The following CD4 variants were observed in gnomAD, a reference collection of about 807,000 sequenced individuals.
The protein encoded by CD4 is T-cell surface glycoprotein CD4.
A neutral mutation model predicts 50.5 loss-of-function variants in CD4; 25 were observed. The ratio of observed to expected loss-of-function variants is 0.49; its 90% CI spans 0.36 to 0.69. CD4 has a LOEUF of 0.69. CD4 is among the 30% of genes least tolerant of loss of function. The probability of loss-of-function intolerance (pLI) is 0.00; values close to 1 mark genes in which losing one functional copy is unlikely to be tolerated. For missense variants in CD4, 456 were observed against 548.5 expected (o/e 0.83, Z 1.68); for synonymous variants, 207 against 221.9 (o/e 0.93, Z 0.60).
intron 1 of CD4, among the ~76,000 whole-genome samples, chr12:6,793,293 A>G (rs1942225825): frequency 6.6e-6 from 1 of 152,110 alleles, no homozygotes; most frequent in Non-Finnish European, 1.5e-5. Context: ...CAGCCACCAT[A>G]TGGGGAAGGG....
At chr12:6,813,611 T>C (rs1398237927) in intron 3 of CD4, 1 of 152,554 alleles carries the variant, frequency 6.6e-6, no homozygotes, top group Non-Finnish European at 1.5e-5. Context: ...GGGTGAGCTA[T>C]GATCTATTTA....
chr12:6,800,760 C>G (rs1942519301), intron 3 of CD4, among the ~76,000 whole-genome samples: 2 of 151,970 alleles, frequency 1.3e-5, no homozygotes, highest in East Asian at 3.9e-4. Flanking sequence ...ATTGTTGCTA[C>G]AGACCTATGT....
At position 6,800,088 on chromosome 12, in the gene CD4, G is replaced by A; in HGVS notation, c.-51G>A. 6.4e-7 allele frequency: 1 copy of A among 1,553,002 alleles called. No homozygotes were observed. Among genetic ancestry groups the A allele is most frequent in the South Asian group, 1.1e-5 (1 of 89,850 alleles). On this transcript the variant is annotated 5_prime_UTR_variant, in exon 2 of 10. Transcript: ENST00000011653. ...TTCCCTCAGGCCCTGCCATTTCTGT[G>A]GGCTCAGGTCCCTACTGGCTCAGGC... is the stretch of plus-strand genomic sequence containing the variant.
rs782309080 is a variant in CD4, at chr12:6,818,735, T to C, written c.1279-112T>C. The C allele has an allele frequency of 4.5e-5, 54 of 1,198,706 alleles. No individual in the cohort carries two copies. In the African/African-American group the frequency reaches 5.2e-4, roughly 12 times the overall value. The allele number at this position is 1,198,706 out of a possible 1,614,324, so 74.3% of individuals were successfully genotyped here. A position where few individuals can be genotyped will look rare whatever the true frequency, so the allele number is the denominator to read the frequency against. On this transcript the variant is annotated intron_variant, in intron 8 of 9. Transcript: ENST00000011653. The surrounding 1 kb of genome is among the most constrained non-coding windows in gnomAD (Gnocchi z 5.0). ...AGAGTTAATTCCAGGATAGATGGCC[T>C]GGGCCATGTAACTGCTTCTCCTGTC...
Position 6,818,959 on chromosome 12 carries a change from G to A in CD4, c.1346+45G>A, listed in dbSNP as rs782632037. On this transcript the variant is annotated intron_variant, in intron 9 of 9. Coordinates refer to ENST00000011653, the MANE Select transcript of CD4 (RefSeq NM_000616.5). The surrounding 1 kb of genome is among the most constrained non-coding windows in gnomAD (Gnocchi z 5.0). ...GGTTGAGAGAGGGGAAAGGGGGAGGGGGAGGGAGTTAGAGAGGAGGGGGAG... is the reference window on the plus strand; with the variant it reads ...GGTTGAGAGAGGGGAAAGGGGGAGGAGGAGGGAGTTAGAGAGGAGGGGGAG... 1.8e-5 allele frequency: 15 copies of A among 816,648 alleles called. No homozygotes were observed. Among genetic ancestry groups the A allele is most frequent in the East Asian group, 5.8e-5 (2 of 34,376 alleles). The allele number at this position is 816,648 out of a possible 1,614,324, so 50.6% of individuals were successfully genotyped here.
rs1331372005 is a variant in CD4 at position 6,818,023 on chromosome 12, T to C, written c.1157-398T>C. On this transcript the variant is annotated intron_variant, in intron 7 of 9. Coordinates refer to ENST00000011653, the MANE Select transcript of CD4 (RefSeq NM_000616.5). This position sits in a 1 kb window ranked among gnomAD's most constrained non-coding sequence, Gnocchi z 5.0. ...GCATGCAGTCACGCACACACATTCA[T>C]ACACGCACACAGGCACACATTCACA... 6.9e-6 allele frequency among the ~76,000 whole-genome samples: 1 copy of C among 144,854 alleles called. No individual in the cohort carries two copies. Among genetic ancestry groups the C allele is most frequent in the Non-Finnish European group, 1.5e-5 (1 of 65,838 alleles).
chr12:6,815,898 G>A, intron 5 of CD4, 158 bp from the exon 6 acceptor site: 1 of 1,522,556 alleles, frequency 6.6e-7, no homozygotes. Context: ...GAGAAGGCTG[G>A]AGAGGTAGGA....
intron 3 of CD4, among the ~76,000 whole-genome samples, chr12:6,810,987 G>A (rs1003552092): frequency 1.2e-4 from 18 of 152,140 alleles, no homozygotes; most frequent in African/African-American, 4.3e-4. Flanking sequence ...CTGTGAGGTT[G>A]TCTGGAAGGG....
Position 6,818,536 on chromosome 12 carries a change from C to T in CD4, c.1272C>T (p.His424=). Residue 424 remains histidine, a synonymous_variant, in exon 8 of 10, where the codon CAC becomes CAT. Transcript: ENST00000011653. The surrounding 1 kb of genome is among the most constrained non-coding windows in gnomAD (Gnocchi z 5.0). ...TCTTCTTCTGTGTCAGGTGCCGGCA[C>T]CGAAGGGTGAGTAACCCCACACCTG... ...LGIFFCVRCR[H]RRRQAERMSQ... is the part of the protein sequence containing the mutation. 5 of 1,612,746 alleles carry T rather than the reference C, an allele frequency of 3.1e-6. No homozygotes were observed. The highest frequency in any genetic ancestry group is 4.2e-6 in the Non-Finnish European group (5 of 1,180,004).
At chr12:6,809,636 T>G (rs1942878121) in intron 3 of CD4, among the ~76,000 whole-genome samples, 1 of 152,168 alleles carries the variant, frequency 6.6e-6, no homozygotes, top group South Asian at 2.1e-4. Context: ...CTCGCCTACT[T>G]GGATTTCCCT....
At chr12:6,807,520 T>C (rs781979642) in intron 3 of CD4, among the ~76,000 whole-genome samples, 1 of 152,038 alleles carries the variant, frequency 6.6e-6, no homozygotes, top group Admixed American at 6.5e-5. Context: ...TAACTAATTA[T>C]AGAAATGGAG....
chr12:6,790,680 C>T (rs1049832688), intron 1 of CD4, among the ~76,000 whole-genome samples: 2 of 152,318 alleles, frequency 1.3e-5, no homozygotes, highest in Admixed American at 1.3e-4. Flanking sequence ...CCTTTCCGCC[C>T]TCAGACCTTT....
At chr12:6,811,027 G>C (rs1942920758) in intron 3 of CD4, among the ~76,000 whole-genome samples, 1 of 152,218 alleles carries the variant, frequency 6.6e-6, no homozygotes, top group South Asian at 2.1e-4. Context: ...TGAGCAGTGG[G>C]GAAGAGGACT....
chr12:6,816,057 T>C lies in CD4; in HGVS notation c.609T>C (p.Ala203=), dbSNP rs782208389. ...GGGTCTCTCCCTTCCCACCTCCAGC[T>C]TTCCAGAAGGCCTCCAGCATAGTCT... The part of the protein sequence containing the change: ...VEFKIDIVVL[A]FQKASSIVYK... Residue 203 remains alanine, a splice_region_variant and synonymous_variant, in exon 6 of 10, where the codon GCT becomes GCC. Coordinates refer to ENST00000011653, the MANE Select transcript of CD4 (RefSeq NM_000616.5). The surrounding 1 kb of genome is among the most constrained non-coding windows in gnomAD (Gnocchi z 4.9). 3 of 1,614,102 alleles carry C rather than the reference T, an allele frequency of 1.9e-6. No individual in the cohort carries two copies. The highest frequency in any genetic ancestry group is 4.5e-5 in the East Asian group (2 of 44,886).
chr12:6,798,750 C>T (rs1451264823), intron 1 of CD4: 1 of 152,354 alleles, frequency 6.6e-6, no homozygotes, highest in Non-Finnish European at 1.5e-5. Context: ...ATTTCTACAG[C>T]CACTTGGCTC....
chr12:6,795,350 C>G (rs1942347561), intron 1 of CD4, among the ~76,000 whole-genome samples: 1 of 152,268 alleles, frequency 6.6e-6, no homozygotes. Context: ...ACGTATTAAG[C>G]CCTGGCTACC....
rs573150407 is a variant in CD4 at position 6,793,721 on chromosome 12, C to CA, written c.-68+4063dup. ...CTATCTATCTTTTTTTTTTTTGAGA[C>CA]AAAATCTCACTCTGTCGCCCAGGCT... On this transcript the variant is annotated intron_variant, in intron 1 of 9. Transcript: ENST00000011653. Among the ~76,000 whole-genome samples, 20 of 137,266 alleles carry CA rather than the reference C, an allele frequency of 1.5e-4. No individual in the cohort carries two copies. In the South Asian group the frequency reaches 4.6e-3, roughly 31 times the overall value. 90.1% of individuals were successfully genotyped at this position (137,266 alleles called of 152,430 possible).
At chr12:6,807,953 G>T (rs1220839350) in intron 3 of CD4, among the ~76,000 whole-genome samples, 1 of 151,668 alleles carries the variant, frequency 6.6e-6, no homozygotes, top group Non-Finnish European at 1.5e-5. Context: ...GGTGGCAAGT[G>T]CCTGTAGTCC....
intron 3 of CD4, among the ~76,000 whole-genome samples, chr12:6,811,524 A>C (rs1591558187): frequency 2.6e-5 from 3 of 113,486 alleles, no homozygotes; most frequent in Admixed American, 1.2e-4. Flanking sequence ...ACAGAGTCTC[A>C]CTCTGTCACC....
Sources: allele counts gnomAD v4.1 joint callset (sites outside exome capture counted in the v4.1 genomes callset), GRCh38; gene constraint gnomAD v4.1.1; non-coding constraint Gnocchi (gnomAD v3.1); transcripts MANE v1.5; gene names NCBI Gene and HGNC (gene_info 2026-07-23, HGNC 2026-07-21).